CTNNA3: variants seen among roughly 807,000 people sequenced by gnomAD.
CTNNA3 encodes catenin alpha-3.
CTNNA3 carries 76 observed loss-of-function variants against 95.7 expected under a neutral mutation model. That is an observed-to-expected ratio of 0.79 (90% CI 0.66 to 0.96). The LOEUF is 0.96. Among genes scored for constraint, CTNNA3 ranks in the 40% least tolerant of loss-of-function variants. The probability of loss-of-function intolerance (pLI) is 0.00; values close to 1 mark genes in which losing one functional copy is unlikely to be tolerated. For synonymous variants in CTNNA3, 431 were observed against 374.4 expected (o/e 1.15, Z -1.74); for missense variants, 1,191 against 1,089.8 (o/e 1.09, Z -1.31).
chr10:66,188,617 G>GTGTGTC (rs1222587155), intron 13 of CTNNA3, among the ~76,000 whole-genome samples: 3 of 151,016 alleles, frequency 2.0e-5, no homozygotes, highest in Non-Finnish European at 4.4e-5. Context: ...GTGTGTGTGT[G>GTGTGTC]TGTGTGTGTG....
At chr10:65,994,917 C>T (rs924869443) in intron 15 of CTNNA3, among the ~76,000 whole-genome samples, 1 of 152,010 alleles carries the variant, frequency 6.6e-6, no homozygotes, top group Non-Finnish European at 1.5e-5. Context: ...AAAATTATTT[C>T]TTGTGCATAA....
intron 5 of CTNNA3, among the ~76,000 whole-genome samples, chr10:67,272,468 G>A (rs1055807883): frequency 3.3e-5 from 5 of 152,000 alleles, no homozygotes; most frequent in East Asian, 1.9e-4. Flanking sequence ...TGGGAGGATC[G>A]CTTGAACCCA....
rs1377166923 is a variant in CTNNA3, at chr10:65,918,573, C to T, written c.*1757G>A. On this transcript the variant is annotated 3_prime_UTR_variant, in exon 18 of 18. Coordinates refer to ENST00000433211, the MANE Select transcript of CTNNA3 (RefSeq NM_013266.4). ...AGAGTCATCTGAATTCCCTAATTCC[C>T]TTCTTCACTGCCTTTTCTTCTGGGC... 1 of 152,100 alleles carries T rather than the reference C, an allele frequency of 6.6e-6. No individual in the cohort carries two copies. The highest frequency in any genetic ancestry group is 1.5e-5 in the Non-Finnish European group (1 of 68,004). 9.4% of individuals were successfully genotyped at this position (152,100 alleles called of 1,614,324 possible).
chr10:66,490,188 C>G (rs887385187), intron 11 of CTNNA3, among the ~76,000 whole-genome samples: 1 of 152,006 alleles, frequency 6.6e-6, no homozygotes, highest in South Asian at 2.1e-4. Flanking sequence ...AAGCCTTTAC[C>G]ATTTAACTTC....
At chr10:66,356,678 C>G (rs1244519931) in intron 12 of CTNNA3, among the ~76,000 whole-genome samples, 2 of 151,994 alleles carry the variant, frequency 1.3e-5, no homozygotes, top group Non-Finnish European at 2.9e-5. Flanking sequence ...CTAGCCTTGT[C>G]ATGTTCCTGT....
At chr10:67,235,842 T>G (rs1021040276) in intron 5 of CTNNA3, among the ~76,000 whole-genome samples, 1 of 141,078 alleles carries the variant, frequency 7.1e-6, no homozygotes, top group Admixed American at 6.9e-5. Context: ...CATCAAAAAG[T>G]GGGCGAAGGA....
chr10:65,999,458 A>G (rs1344412781), intron 15 of CTNNA3, among the ~76,000 whole-genome samples: 3 of 152,210 alleles, frequency 2.0e-5, no homozygotes, highest in Non-Finnish European at 4.4e-5. Flanking sequence ...TTTTAAATGC[A>G]TACCTTGTTA....
chr10:67,172,740 G>A lies in CTNNA3; in HGVS notation c.1047+7577C>T, dbSNP rs551083980. Among the ~76,000 whole-genome samples, 21 of 152,174 alleles carry A rather than the reference G, an allele frequency of 1.4e-4. 1 individual carries two copies. The highest frequency in any genetic ancestry group is 6.8e-3 in the Middle Eastern group (2 of 292). ...TGTAATCCCAGCACTTTGGGAGGCC[G>A]AGGCAGGCAGATCATCTGAGGTCAG... On this transcript the variant is annotated intron_variant, in intron 7 of 17. Transcript: ENST00000433211.
chr10:66,565,843 G>A (rs563081340), intron 10 of CTNNA3, among the ~76,000 whole-genome samples: 4 of 151,970 alleles, frequency 2.6e-5, no homozygotes, highest in Admixed American at 1.3e-4. Flanking sequence ...CTCCCACATG[G>A]GCAGAAAACA....
rs146595512 is a variant in CTNNA3 at position 66,711,602 on chromosome 10, G to A, written c.1281+54662C>T. Among the ~76,000 whole-genome samples the A allele has an allele frequency of 6.4e-3, 968 of 152,090 alleles. 11 individuals carry two copies. Among genetic ancestry groups the A allele is most frequent in the African/African-American group, 0.017 (719 of 41,496 alleles). On this transcript the variant is annotated intron_variant, in intron 9 of 17. Coordinates refer to ENST00000433211, the MANE Select transcript of CTNNA3 (RefSeq NM_013266.4). ...CTCACTCTGTCATCCAGGCTGGAGTGCAATGGCGTGATCTTGGCTCACTGC... is the reference window on the plus strand; with the variant it reads ...CTCACTCTGTCATCCAGGCTGGAGTACAATGGCGTGATCTTGGCTCACTGC...
At chr10:66,083,966 T>A (rs950466086) in intron 14 of CTNNA3, among the ~76,000 whole-genome samples, 1 of 151,676 alleles carries the variant, frequency 6.6e-6, no homozygotes, top group East Asian at 1.9e-4. Context: ...AGAAACCCCA[T>A]CTCTACTAAA....
intron 5 of CTNNA3, among the ~76,000 whole-genome samples, chr10:67,485,088 C>A (rs1477633139): frequency 6.6e-6 from 1 of 152,104 alleles, no homozygotes; most frequent in African/African-American, 2.4e-5. Flanking sequence ...CAGTGGTGGA[C>A]TGGATAAAGA....
intron 13 of CTNNA3, among the ~76,000 whole-genome samples, chr10:66,210,412 G>C (rs188229955): frequency 4.6e-5 from 7 of 151,680 alleles, no homozygotes; most frequent in African/African-American, 1.7e-4. Context: ...AGAAATAAGG[G>C]AGTACTACTT....
chr10:66,126,198 C>T (rs557151759), intron 13 of CTNNA3, among the ~76,000 whole-genome samples: 19 of 152,272 alleles, frequency 1.2e-4, no homozygotes, highest in Non-Finnish European at 2.5e-4. Flanking sequence ...ATATGCTGCA[C>T]TTGATAAAGC....
At chr10:66,863,145 T>A (rs1381777324) in intron 7 of CTNNA3, among the ~76,000 whole-genome samples, 1 of 151,598 alleles carries the variant, frequency 6.6e-6, no homozygotes, top group African/African-American at 2.4e-5. Context: ...GCAGTTCTTG[T>A]AAATTAGCCT....
intron 15 of CTNNA3, among the ~76,000 whole-genome samples, chr10:66,067,699 C>T (rs1318572252): frequency 1.3e-5 from 2 of 151,910 alleles, no homozygotes; most frequent in Admixed American, 6.6e-5. Context: ...GGGCGGATCA[C>T]GAGGTCAGGA....
chr10:66,935,215 G>C (rs1847627579), intron 7 of CTNNA3, among the ~76,000 whole-genome samples: 1 of 152,090 alleles, frequency 6.6e-6, no homozygotes, highest in Non-Finnish European at 1.5e-5. Flanking sequence ...GAAACTTGTA[G>C]AATGCATCAT....
intron 2 of CTNNA3, among the ~76,000 whole-genome samples, chr10:67,608,100 T>G (rs2133381793): frequency 6.6e-6 from 1 of 152,258 alleles, no homozygotes; most frequent in Non-Finnish European, 1.5e-5. Context: ...GAGTGAGACC[T>G]GTTTGAGAGG....
intron 5 of CTNNA3, among the ~76,000 whole-genome samples, chr10:67,478,042 T>TG (rs1302650110): frequency 3.3e-5 from 5 of 152,206 alleles, no homozygotes; most frequent in Non-Finnish European, 5.9e-5. Flanking sequence ...AAAATACAGT[T>TG]GAAAGCTTTA....
Sources: gnomAD v4.1 joint callset for allele counts (sites outside exome capture counted in the v4.1 genomes callset) on GRCh38, gnomAD v4.1.1 for gene constraint, MANE v1.5 for transcripts, NCBI Gene and HGNC (gene_info 2026-07-23, HGNC 2026-07-21) for gene names.